The following PCDHGA10 variants were observed in gnomAD, a reference collection of about 807,000 sequenced individuals.
PCDHGA10 encodes the protein protocadherin gamma-A10.
In PCDHGA10, 42 loss-of-function variants were observed where a neutral mutation model predicts 59.5. The observed-to-expected ratio is 0.71, with a 90% CI of 0.55 to 0.91. The LOEUF is 0.91. PCDHGA10 is among the 40% of genes least tolerant of loss of function. The pLI is 0.00. For missense variants in PCDHGA10, 1,111 were observed against 1,198.2 expected, an observed-to-expected ratio of 0.93 and a Z score of 1.07; for synonymous variants, 511 against 517.2, an observed-to-expected ratio of 0.99 and a Z score of 0.16.
rs780547982 is a variant in PCDHGA10, at chr5:141,415,078, G to T, written c.1903G>T (p.Ala635Ser). 1.2e-6 allele frequency: 2 copies of T among 1,613,376 alleles called. No individual in the cohort carries two copies. The highest frequency in any genetic ancestry group is 8.5e-7 in the Non-Finnish European group (1 of 1,179,962). ...CACGGGCGAGGTGCGCACGGCGCGA[G>T]CCCTGCTGGACAGAGACGCGCTCAA... Reference protein sequence around the residue: ...EHTGEVRTARALLDRDALKQS... With the variant: ...EHTGEVRTARSLLDRDALKQS... Residue 635 changes from alanine (A) to serine (S), a missense_variant, in exon 1 of 4, where the codon GCC (alanine) becomes TCC (serine). Physicochemically the swap from Ala to Ser is moderately conservative, Grantham distance 99 (BLOSUM62 1). Transcript: ENST00000398610.
chr5:141,419,269 C>G (rs1456612499), intron 1 of PCDHGA10: 1 of 1,614,034 alleles, frequency 6.2e-7, no homozygotes, highest in Admixed American at 1.7e-5. Flanking sequence ...CGGGTGCCTC[C>G]ATAGCGCAAG....
At chr5:141,418,672 G>A (rs1170411469) in intron 1 of PCDHGA10, 3 of 1,614,022 alleles carry the variant, frequency 1.9e-6, no homozygotes, top group Non-Finnish European at 2.5e-6. Context: ...ACCAGGACGA[G>A]GGCATCAACT....
intron 1 of PCDHGA10, among the ~76,000 whole-genome samples, chr5:141,459,111 A>G (rs2098961190): frequency 1.3e-5 from 2 of 152,218 alleles, no homozygotes; most frequent in Non-Finnish European, 2.9e-5. Flanking sequence ...CATTTTGACA[A>G]TTGTTTACAT....
At chr5:141,474,745 C>T (rs935430941) in intron 1 of PCDHGA10, among the ~76,000 whole-genome samples, 2 of 152,174 alleles carry the variant, frequency 1.3e-5, no homozygotes, top group East Asian at 3.9e-4. Context: ...AAGTGATGTC[C>T]AAGACAAATA....
At chr5:141,454,087 T>A (rs1251936767) in intron 1 of PCDHGA10, among the ~76,000 whole-genome samples, 4 of 152,198 alleles carry the variant, frequency 2.6e-5, no homozygotes, top group Non-Finnish European at 5.9e-5. Context: ...TCAGTGAAAT[T>A]TGAATTGAAC....
At chr5:141,464,982 T>A (rs914697541) in intron 1 of PCDHGA10, among the ~76,000 whole-genome samples, 1 of 152,030 alleles carries the variant, frequency 6.6e-6, no homozygotes, top group Non-Finnish European at 1.5e-5. Context: ...CTTCAAGTGA[T>A]CCTCCCACCT....
intron 1 of PCDHGA10, among the ~76,000 whole-genome samples, chr5:141,453,670 G>A (rs191035462): frequency 2.5e-4 from 38 of 152,224 alleles, no homozygotes; most frequent in Middle Eastern, 6.8e-3. Context: ...TACACAAAAG[G>A]TAACACACTA....
In PCDHGA10 at chr5:141,432,112, C is replaced by T; in HGVS notation, c.2436+16501C>T. ...CAGACACCAACGACAACCCGCCGGT[C>T]TTCCCTCAGGCCTCCTATTCCGCTT... On this transcript the variant is annotated intron_variant, in intron 1 of 3. Transcript: ENST00000398610. The surrounding 1 kb of genome is among the most constrained non-coding windows in gnomAD (Gnocchi z 6.0). 1 of 1,614,186 alleles carries T rather than the reference C, an allele frequency of 6.2e-7. No individual in the cohort carries two copies. The highest frequency in any genetic ancestry group is 8.5e-7 in the Non-Finnish European group (1 of 1,180,042).
At chr5:141,459,035 AC>A (rs1337856322) in intron 1 of PCDHGA10, among the ~76,000 whole-genome samples, 1 of 152,218 alleles carries the variant, frequency 6.6e-6, no homozygotes, top group Non-Finnish European at 1.5e-5. Flanking sequence ...ATCCAGCCTT[AC>A]CAGCTATATT....
In PCDHGA10 at chr5:141,432,545, A is replaced by G; in HGVS notation, c.2436+16934A>G. Reference sequence around the variant, plus strand: ...GGTGACCAAGGTGGTGGCGGTGGACAGAGACTCCGGCCAGAACGCCTGGCT... The same window carrying G: ...GGTGACCAAGGTGGTGGCGGTGGACGGAGACTCCGGCCAGAACGCCTGGCT... On this transcript the variant is annotated intron_variant, in intron 1 of 3. Coordinates refer to ENST00000398610, the MANE Select transcript of PCDHGA10 (RefSeq NM_018913.3). This position sits in a 1 kb window ranked among gnomAD's most constrained non-coding sequence, Gnocchi z 6.0. The G allele has an allele frequency of 1.2e-6, 2 of 1,613,876 alleles. No homozygotes were observed. Among genetic ancestry groups the G allele is most frequent in the Non-Finnish European group, 1.7e-6 (2 of 1,179,984 alleles).
At chr5:141,492,312 C>T (rs1470136040) in intron 1 of PCDHGA10, among the ~76,000 whole-genome samples, 2 of 152,348 alleles carry the variant, frequency 1.3e-5, no homozygotes, top group African/African-American at 4.8e-5. Flanking sequence ...CGCACGCACT[C>T]CTCGCACGTG....
intron 1 of PCDHGA10, chr5:141,419,682 T>C (rs758536078): frequency 6.2e-7 from 1 of 1,612,950 alleles, no homozygotes; most frequent in Non-Finnish European, 8.5e-7. Flanking sequence ...TCCTACCACG[T>C]GGTGCAGGCC....
In PCDHGA10 at chr5:141,476,575, C is replaced by A; in HGVS notation, c.2437-18232C>A. 6 of 1,614,232 alleles carry A rather than the reference C, an allele frequency of 3.7e-6. No homozygotes were observed. The highest frequency in any genetic ancestry group is 5.1e-6 in the Non-Finnish European group (6 of 1,180,042). The stretch of plus-strand genomic sequence containing the variant: ...GCGAGGCCGTGGCTCCGGGGACGCG[C>A]TTTCCGCTCGAGAGCGCGCACGATC... On this transcript the variant is annotated intron_variant, in intron 1 of 3. Transcript: ENST00000398610. This position sits in a 1 kb window ranked among gnomAD's most constrained non-coding sequence, Gnocchi z 7.6.
In PCDHGA10 at chr5:141,491,283, C is replaced by G; in HGVS notation, c.2437-3524C>G. ...AAATGCCCAAATCCAGTGACTTCCT[C>G]ATACACCCTCCTGAGCGTTCAGACC... On this transcript the variant is annotated intron_variant, in intron 1 of 3. Coordinates refer to ENST00000398610, the MANE Select transcript of PCDHGA10 (RefSeq NM_018913.3). The surrounding 1 kb of genome is among the most constrained non-coding windows in gnomAD (Gnocchi z 6.9). The G allele has an allele frequency of 1.2e-6, 2 of 1,614,164 alleles. No homozygotes were observed.
At chr5:141,509,669 G>GAGAA (rs2099877764) in intron 3 of PCDHGA10, among the ~76,000 whole-genome samples, 1 of 152,180 alleles carries the variant, frequency 6.6e-6, no homozygotes, top group African/African-American at 2.4e-5. Flanking sequence ...CTGGGCCCCA[G>GAGAA]TTTCTTCTTC....
chr5:141,455,632 TG>T (rs1394377963), intron 1 of PCDHGA10, among the ~76,000 whole-genome samples: 1 of 151,924 alleles, frequency 6.6e-6, no homozygotes, highest in African/African-American at 2.4e-5. Flanking sequence ...TGGAGATATG[TG>T]GGGGGCAGCC....
In PCDHGA10 at chr5:141,432,358, G is replaced by A. The variant is rs750696244; in HGVS notation, c.2436+16747G>A. ...TCCGAGACTTGCAAGTGAAAGTGAT[G>A]GCGCGGGACAACGGGCACCCGCCCC... On this transcript the variant is annotated intron_variant, in intron 1 of 3. Transcript: ENST00000398610. This position sits in a 1 kb window ranked among gnomAD's most constrained non-coding sequence, Gnocchi z 6.0. The A allele has an allele frequency of 6.2e-7, 1 of 1,614,122 alleles. No homozygotes were observed. The highest frequency in any genetic ancestry group is 8.5e-7 in the Non-Finnish European group (1 of 1,180,060).
In PCDHGA10 at chr5:141,414,785, C is replaced by A; in HGVS notation, c.1610C>A (p.Thr537Lys). Residue 537 changes from threonine (T) to lysine (K), a missense_variant, in exon 1 of 4, where the codon ACA becomes AAA. By Grantham distance (78) the Thr-to-Lys change is moderately conservative. Transcript: ENST00000398610. ...TTTCATGAGCTACAGATGCAGGTGA[C>A]AGCCAGCGACAGCGGGGATCCTCCA... ...EQFHELQMQV[T>K]ASDSGDPPLS... The A allele has an allele frequency of 6.2e-7, 1 of 1,614,232 alleles. No individual in the cohort carries two copies. The highest frequency in any genetic ancestry group is 8.5e-7 in the Non-Finnish European group (1 of 1,180,050).
intron 1 of PCDHGA10, among the ~76,000 whole-genome samples, chr5:141,461,165 TG>T (rs2099010296): frequency 6.6e-6 from 1 of 152,146 alleles, no homozygotes; most frequent in South Asian, 2.1e-4. Flanking sequence ...ATAGTGGGAT[TG>T]CTGGATTGAA....
Sources: allele counts gnomAD v4.1 joint callset (sites outside exome capture counted in the v4.1 genomes callset), GRCh38; gene constraint gnomAD v4.1.1; non-coding constraint Gnocchi (gnomAD v3.1); transcripts MANE v1.5; gene names NCBI Gene and HGNC (gene_info 2026-07-23, HGNC 2026-07-21).